Variants in PRR5L observed in about 807,000 individuals in gnomAD.
PRR5L encodes the protein proline rich 5 like.
A neutral mutation model predicts 36.4 loss-of-function variants in PRR5L; 21 were observed. That is an observed-to-expected ratio of 0.58 (90% CI 0.41 to 0.83). The LOEUF (loss-of-function observed/expected upper bound fraction) is 0.83, where lower values mean the gene tolerates loss of function less well. Ranked by LOEUF, PRR5L falls within the 40% of genes least tolerant of loss-of-function variation. The pLI is 0.00. For synonymous variants in PRR5L, 188 were observed against 197.0 expected, an observed-to-expected ratio of 0.95 and a Z score of 0.38; for missense variants, 381 against 473.3, an observed-to-expected ratio of 0.80 and a Z score of 1.81.
chr11:36,330,383 C>T (rs1049977016), intron 1 of PRR5L, among the ~76,000 whole-genome samples: 2 of 152,136 alleles, frequency 1.3e-5, no homozygotes, highest in Non-Finnish European at 2.9e-5. Flanking sequence ...TTTGCTTGAT[C>T]TTAGCAGTTT....
intron 6 of PRR5L, among the ~76,000 whole-genome samples, chr11:36,439,740 C>T (rs1423215943): frequency 6.6e-6 from 1 of 152,180 alleles, no homozygotes; most frequent in Non-Finnish European, 1.5e-5. Context: ...CCTTCCTCCT[C>T]CTTTTTGTTC....
intron 1 of PRR5L, chr11:36,376,497 G>T: frequency 9.4e-7 from 1 of 1,066,312 alleles, no homozygotes; most frequent in South Asian, 2.6e-5. Flanking sequence ...CCCATCTGAG[G>T]GCAGAGCTGG....
chr11:36,303,032 T>A (rs558442506), intron 1 of PRR5L, among the ~76,000 whole-genome samples: 2 of 152,300 alleles, frequency 1.3e-5, no homozygotes, highest in South Asian at 4.1e-4. Context: ...CCAGGCATCC[T>A]GGCTCCAGAG....
rs961383218 is a variant in PRR5L, at chr11:36,309,546, A to C, written c.-126+13108A>C. 8.0e-5 allele frequency among the ~76,000 whole-genome samples: 8 copies of C among 100,106 alleles called. No individual in the cohort carries two copies. The Admixed American group carries it at 8.7e-4, about 11-fold the overall frequency. The allele number at this position is 100,106 out of a possible 152,430, so 65.7% of individuals were successfully genotyped here. A position where few individuals can be genotyped will look rare whatever the true frequency, so the allele number is the denominator to read the frequency against. On this transcript the variant is annotated intron_variant, in intron 1 of 8. Coordinates refer to ENST00000530639, the MANE Select transcript of PRR5L (RefSeq NM_001160167.2). ...TTTCTTCAAAGAAAATCAACAGGTA[A>C]ACCTGAGAACTGAATATCACAGTCA...
Position 36,319,635 on chromosome 11 carries a change from A to C in PRR5L, c.-126+23197A>C, listed in dbSNP as rs187289474. On this transcript the variant is annotated intron_variant, in intron 1 of 8. Coordinates refer to ENST00000530639, the MANE Select transcript of PRR5L (RefSeq NM_001160167.2). ...GGCAGTTGTGGGGAGGGCTTGGCAC[A>C]AGAGCAATACTTTGTAGATCCCTCA... is the stretch of plus-strand genomic sequence containing the variant. Among the ~76,000 whole-genome samples, 218 of 152,230 alleles carry C rather than the reference A, an allele frequency of 1.4e-3. 2 individuals carry two copies. Among genetic ancestry groups the C allele is most frequent in the Admixed American group, 2.6e-3 (40 of 15,294 alleles).
intron 8 of PRR5L, among the ~76,000 whole-genome samples, chr11:36,454,388 C>T (rs1011572296): frequency 2.6e-5 from 4 of 152,188 alleles, no homozygotes; most frequent in African/African-American, 9.7e-5. Context: ...GGGCCTCCGT[C>T]TACCCCTTAG....
At chr11:36,363,446 G>A (rs1006580374) in intron 1 of PRR5L, among the ~76,000 whole-genome samples, 10 of 152,204 alleles carry the variant, frequency 6.6e-5, no homozygotes, top group African/African-American at 2.2e-4. Context: ...ATAGCTCAAT[G>A]CCTTTTCTGC....
At chr11:36,419,191 T>C (rs2133582194) in intron 3 of PRR5L, 64 bp from the exon 4 acceptor site, 2 of 1,515,746 alleles carry the variant, frequency 1.3e-6, no homozygotes, top group South Asian at 1.1e-5. Context: ...GGTGAGCACA[T>C]TGTCACCATG....
intron 1 of PRR5L, among the ~76,000 whole-genome samples, chr11:36,353,819 A>T (rs1208729443): frequency 6.6e-6 from 1 of 152,138 alleles, no homozygotes; most frequent in Non-Finnish European, 1.5e-5. Context: ...CTGTGGCCCC[A>T]TTCCTAACAG....
At chr11:36,433,406 T>C (rs1858540782) in intron 5 of PRR5L, among the ~76,000 whole-genome samples, 1 of 152,232 alleles carries the variant, frequency 6.6e-6, no homozygotes, top group Non-Finnish European at 1.5e-5. Flanking sequence ...CTCAAATTCA[T>C]GTTGTAGCAT....
intron 1 of PRR5L, among the ~76,000 whole-genome samples, chr11:36,319,784 G>A (rs1054656302): frequency 6.6e-6 from 1 of 151,746 alleles, no homozygotes; most frequent in Non-Finnish European, 1.5e-5. Flanking sequence ...GTGGACAATG[G>A]AAATCGATTC....
chr11:36,321,356 G>A (rs1298735931), intron 1 of PRR5L: 1 of 152,164 alleles, frequency 6.6e-6, no homozygotes, highest in Non-Finnish European at 1.5e-5. Context: ...TCCAGATCCT[G>A]TAGAAAGAGT....
chr11:36,429,608 G>A (rs1858451632), intron 4 of PRR5L, among the ~76,000 whole-genome samples: 1 of 152,132 alleles, frequency 6.6e-6, no homozygotes, highest in South Asian at 2.1e-4. Flanking sequence ...TCAGAAATGT[G>A]AAATTAGGGA....
intron 4 of PRR5L, among the ~76,000 whole-genome samples, chr11:36,421,692 C>T (rs540213672): frequency 6.6e-6 from 1 of 152,200 alleles, no homozygotes; most frequent in South Asian, 2.1e-4. Context: ...GATTTTCTGC[C>T]ACAGATCACT....
At chr11:36,331,035 A>T (rs77896820) in intron 1 of PRR5L, among the ~76,000 whole-genome samples, 14,625 of 152,152 alleles carry the variant, frequency 0.096, 1,287 homozygotes, top group African/African-American at 0.24. Flanking sequence ...TGAACTCCCG[A>T]CCTCAATTGA....
At chr11:36,373,859 C>G (rs1348719133) in intron 1 of PRR5L, among the ~76,000 whole-genome samples, 2 of 152,136 alleles carry the variant, frequency 1.3e-5, no homozygotes, top group Non-Finnish European at 2.9e-5. Context: ...ATCAGTACAG[C>G]ATACGCTAAA....
At chr11:36,370,880 C>CAAAAAAAAAAAAAA in intron 1 of PRR5L, among the ~76,000 whole-genome samples, 1 of 118,090 alleles carries the variant, frequency 8.5e-6, no homozygotes, top group Non-Finnish European at 1.7e-5. Context: ...GACTCCATCT[C>CAAAAAAAAAAAAAA]AAAAAAAAAA....
At chr11:36,459,352 A>C (rs999363245) in intron 8 of PRR5L, among the ~76,000 whole-genome samples, 4 of 152,174 alleles carry the variant, frequency 2.6e-5, no homozygotes, top group South Asian at 2.1e-4. Context: ...GCCCATGTGA[A>C]GGTGGGAGAG....
chr11:36,442,704 C>T (rs116672187), intron 6 of PRR5L, among the ~76,000 whole-genome samples: 265 of 152,270 alleles, frequency 1.7e-3, no homozygotes, highest in African/African-American at 6.0e-3. Flanking sequence ...ACAAATCCCC[C>T]GGGCATGGAC....
Sources: allele counts gnomAD v4.1 joint callset (sites outside exome capture counted in the v4.1 genomes callset), GRCh38; gene constraint gnomAD v4.1.1; transcripts MANE v1.5; gene names NCBI Gene and HGNC (gene_info 2026-07-23, HGNC 2026-07-21).